The following SLC10A1 variants were observed in gnomAD, a reference collection of about 807,000 sequenced individuals.
SLC10A1 encodes solute carrier family 10 member 1.
SLC10A1 carries 36 observed loss-of-function variants against 20.5 expected under a neutral mutation model. That is an observed-to-expected ratio of 1.75 (90% CI 1.34 to 2.32). SLC10A1 has a LOEUF of 2.32. Among genes scored for constraint, SLC10A1 ranks in the 30% most tolerant of loss-of-function variants. The pLI is 0.00. For synonymous variants in SLC10A1, 188 were observed against 163.6 expected, an observed-to-expected ratio of 1.15 and a Z score of -1.14; for missense variants, 545 against 439.1, an observed-to-expected ratio of 1.24 and a Z score of -2.16.
intron 2 of SLC10A1, among the ~76,000 whole-genome samples, chr14:69,782,808 GAAAAA>G (rs35397817): frequency 6.0e-3 from 617 of 102,718 alleles, no homozygotes; most frequent in Middle Eastern, 0.018. Flanking sequence ...ACTCCGTCTC[GAAAAA>G]AAAAAAAAAA....
chr14:69,778,521 C>G lies in SLC10A1; in HGVS notation c.755G>C (p.Arg252Pro). Residue 252 changes from arginine (R) to proline (P), a missense_variant, in exon 4 of 5, where the codon CGC becomes CCC. Transcript: ENST00000216540. ...ALFCLNGRCR[R>P]TVSMETGCQN... ...GCATCCAGTCTCCATGCTGACAGTG[C>G]GTCTGCACCTGTGCCGGTGAAGAAA... 1.2e-6 allele frequency: 2 copies of G among 1,600,916 alleles called. No homozygotes were observed. Among genetic ancestry groups the G allele is most frequent in the East Asian group, 4.5e-5 (2 of 44,746 alleles).
At chr14:69,780,312 G>A (rs1883560906) in intron 2 of SLC10A1, among the ~76,000 whole-genome samples, 1 of 152,168 alleles carries the variant, frequency 6.6e-6, no homozygotes, top group Non-Finnish European at 1.5e-5. Context: ...TTAGAGAATT[G>A]CGTCCTCCAA....
In SLC10A1 at chr14:69,776,380, T is replaced by C; in HGVS notation, c.952A>G (p.Lys318Glu). 1 of 1,613,320 alleles carries C rather than the reference T, an allele frequency of 6.2e-7. No individual in the cohort carries two copies. The highest frequency in any genetic ancestry group is 1.1e-5 in the South Asian group (1 of 91,034). Residue 318 changes from lysine (K) to glutamate (E), a missense_variant, in exon 5 of 5, where the codon AAA becomes GAA. Lys to Glu is a moderately conservative substitution (Grantham distance 56, BLOSUM62 1). Transcript: ENST00000216540. ...EKFKTPKDKTKMIYTAATTEE... is the reference protein window; with the variant it reads ...EKFKTPKDKTEMIYTAATTEE... ...GTTGTGGCAGCTGTGTAGATCATTTTTGTTTTATCTGTAAAGTTAAAAAGG... is the reference window on the plus strand; with the variant it reads ...GTTGTGGCAGCTGTGTAGATCATTTCTGTTTTATCTGTAAAGTTAAAAAGG...
intron 4 of SLC10A1, among the ~76,000 whole-genome samples, chr14:69,777,607 A>ATTTTTTTTTTTTT (rs1566633997): frequency 6.6e-5 from 1 of 15,104 alleles, no homozygotes; most frequent in African/African-American, 3.3e-4. Context: ...TTTTTTTTTA[A>ATTTTTTTTTTTTT]AATTGGTGTT....
chr14:69,795,322 T>C (rs941709186), intron 1 of SLC10A1, among the ~76,000 whole-genome samples: 5 of 152,010 alleles, frequency 3.3e-5, no homozygotes, highest in African/African-American at 4.8e-5. Context: ...CTGAATCATA[T>C]GGAAAAAGAG....
chr14:69,780,820 C>T (rs534712106), intron 2 of SLC10A1, among the ~76,000 whole-genome samples: 1 of 152,270 alleles, frequency 6.6e-6, no homozygotes, highest in South Asian at 2.1e-4. Context: ...GTTGATTTCC[C>T]CTTTTAGATT....
At chr14:69,777,642 C>CT in intron 4 of SLC10A1, among the ~76,000 whole-genome samples, 1 of 85,334 alleles carries the variant, frequency 1.2e-5, no homozygotes, top group East Asian at 4.2e-4. Flanking sequence ...GGAAGGCACT[C>CT]TGTTCTCTGG....
rs372628054 is a variant in SLC10A1 at position 69,789,962 on chromosome 14, C to T, written c.357-3655G>A. Among the ~76,000 whole-genome samples, 130 of 145,938 alleles carry T rather than the reference C, an allele frequency of 8.9e-4. 1 individual carries two copies. Among genetic ancestry groups the T allele is most frequent in the African/African-American group, 2.9e-3 (114 of 39,212 alleles). ...TTAAAGGCCAATTAAATAGGCACCT[C>T]TGGCAAGGCAGACCAGGGAAAAGAG... On this transcript the variant is annotated intron_variant, in intron 1 of 4. Coordinates refer to ENST00000216540, the MANE Select transcript of SLC10A1 (RefSeq NM_003049.4).
chr14:69,786,341 A>C (rs775692942), intron 1 of SLC10A1, 34 bp from the exon 2 acceptor site: 32 of 1,573,054 alleles, frequency 2.0e-5, no homozygotes, highest in East Asian at 1.3e-4. Context: ...GGAGAGAGAG[A>C]GAGCCCATAA....
At chr14:69,777,609 A>ATTGG (rs1883479886) in intron 4 of SLC10A1, among the ~76,000 whole-genome samples, 1 of 79,638 alleles carries the variant, frequency 1.3e-5, no homozygotes, top group African/African-American at 4.1e-5. Context: ...TTTTTTTAAA[A>ATTGG]TTGGTGTTAA....
At chr14:69,789,226 A>G (rs1486587708) in intron 1 of SLC10A1, among the ~76,000 whole-genome samples, 4 of 152,244 alleles carry the variant, frequency 2.6e-5, no homozygotes, top group Non-Finnish European at 4.4e-5. Flanking sequence ...CCAAGGGAAC[A>G]GAAAGCATGT....
chr14:69,789,686 G>A (rs1425520060), intron 1 of SLC10A1, among the ~76,000 whole-genome samples: 1 of 152,110 alleles, frequency 6.6e-6, no homozygotes, highest in Non-Finnish European at 1.5e-5. Context: ...GGATTTTATG[G>A]TATGTGAATT....
Position 69,779,210 on chromosome 14 carries a change from G to T in SLC10A1, c.718C>A (p.Leu240Ile), listed in dbSNP as rs1883527092. 1 of 1,612,754 alleles carries T rather than the reference G, an allele frequency of 6.2e-7. No homozygotes were observed. The highest frequency in any genetic ancestry group is 1.3e-5 in the African/African-American group (1 of 74,854). Residue 240 changes from leucine to isoleucine, a missense_variant, in exon 3 of 5, where the codon CTC (leucine) becomes ATC (isoleucine). By Grantham distance (5) the Leu-to-Ile change is conservative (BLOSUM62 2). Coordinates refer to ENST00000216540, the MANE Select transcript of SLC10A1 (RefSeq NM_003049.4). Reference sequence around the variant, plus strand: ...CCATTGAGGCAGAAGAGAGCAGAGAGAACATAACCCAGCAGAAAGCCAATA... The same window carrying T: ...CCATTGAGGCAGAAGAGAGCAGAGATAACATAACCCAGCAGAAAGCCAATA... ...PFIGFLLGYV[L>I]SALFCLNGRC...
At chr14:69,777,594 T>TTTG (rs1883477694) in intron 4 of SLC10A1, among the ~76,000 whole-genome samples, 1 of 99,360 alleles carries the variant, frequency 1.0e-5, no homozygotes, top group Non-Finnish European at 1.9e-5. Context: ...TTTTTTTTTT[T>TTTG]TTTTTTTTTT....
Position 69,796,793 on chromosome 14 carries a change from G to C in SLC10A1, c.356+7C>G. On this transcript the variant is annotated splice_region_variant and intron_variant, in intron 1 of 4. Coordinates refer to ENST00000216540, the MANE Select transcript of SLC10A1 (RefSeq NM_003049.4). Reference sequence around the variant, plus strand: ...CCAGGCTGTTCCCTCCTCACCCCCAGGCCTACCTGAGGTTCATGTCCCCCT... The same window carrying C: ...CCAGGCTGTTCCCTCCTCACCCCCACGCCTACCTGAGGTTCATGTCCCCCT... 6.2e-7 allele frequency: 1 copy of C among 1,609,064 alleles called. No individual in the cohort carries two copies. Among genetic ancestry groups the C allele is most frequent in the African/African-American group, 1.3e-5 (1 of 74,972 alleles).
chr14:69,777,595 TTTTTTTTTTTA>T (rs1357297329), intron 4 of SLC10A1, among the ~76,000 whole-genome samples: 1,547 of 102,298 alleles, frequency 0.015, 52 homozygotes, highest in African/African-American at 0.066. Context: ...TTTTTTTTTT[TTTTTTTTTTTA>T]AAATTGGTGT....
At chr14:69,777,996 G>A (rs1883489127) in intron 4 of SLC10A1, among the ~76,000 whole-genome samples, 1 of 152,036 alleles carries the variant, frequency 6.6e-6, no homozygotes, top group African/African-American at 2.4e-5. Context: ...TGCGAATAGA[G>A]GCCTTTCACA....
At chr14:69,784,341 A>G (rs899629923) in intron 2 of SLC10A1, among the ~76,000 whole-genome samples, 13 of 152,212 alleles carry the variant, frequency 8.5e-5, no homozygotes, top group African/African-American at 2.7e-4. Flanking sequence ...AGAAATGTCC[A>G]TTGGATTTGG....
In SLC10A1 at chr14:69,776,136, G is replaced by A. The variant is rs911822321; in HGVS notation, c.*146C>T. ...GGGTAGACACCCTGTCTGTGTTCCC[G>A]GCCAAGACTTGATGATTCTGATAGA... is the stretch of plus-strand genomic sequence containing the variant. On this transcript the variant is annotated 3_prime_UTR_variant, in exon 5 of 5. Transcript: ENST00000216540. 2.2e-5 allele frequency: 14 copies of A among 641,200 alleles called. No homozygotes were observed. The highest frequency in any genetic ancestry group is 1.9e-4 in the South Asian group (10 of 51,636). The allele number at this position is 641,200 out of a possible 1,614,324, so 39.7% of individuals were successfully genotyped here.
Sources: allele counts gnomAD v4.1 joint callset (sites outside exome capture counted in the v4.1 genomes callset), GRCh38; gene constraint gnomAD v4.1.1; transcripts MANE v1.5; gene names NCBI Gene and HGNC (gene_info 2026-07-23, HGNC 2026-07-21).